Variants in FANCA observed in about 807,000 individuals in gnomAD.
FANCA encodes FA complementation group A, also known as Fanconi anemia group A protein.
In FANCA, 236 loss-of-function variants were observed where a neutral mutation model predicts 194.3. That is an observed-to-expected ratio of 1.21 (90% confidence interval 1.09 to 1.35). FANCA has a LOEUF of 1.35. Ranked by LOEUF, FANCA falls within the 40% of genes most tolerant of loss-of-function variation. The pLI, the probability that FANCA is intolerant of heterozygous loss-of-function variation, is 0.00. For missense variants in FANCA, 2,628 were observed against 1,813.9 expected, an observed-to-expected ratio of 1.45 and a Z score of -8.15; for synonymous variants, 1,014 against 715.8, an observed-to-expected ratio of 1.42 and a Z score of -6.65.
At chr16:89,803,671 T>A (rs2040536037) in intron 7 of FANCA, among the ~76,000 whole-genome samples, 1 of 151,124 alleles carries the variant, frequency 6.6e-6, no homozygotes, top group Admixed American at 6.6e-5. Context: ...TCGCCTGGGC[T>A]TGAGTGCAAT....
At chr16:89,775,236 G>A (rs1278065318) in intron 21 of FANCA, among the ~76,000 whole-genome samples, 1 of 152,146 alleles carries the variant, frequency 6.6e-6, no homozygotes, top group African/African-American at 2.4e-5. Flanking sequence ...TCCCACTGCT[G>A]CCTGAGTGCA....
intron 40 of FANCA, 87 bp downstream of exon 40, chr16:89,739,391 C>T: frequency 1.3e-6 from 2 of 1,577,548 alleles, no homozygotes; most frequent in Non-Finnish European, 1.7e-6. Flanking sequence ...CACAGACAAC[C>T]CTTCCCATCT....
chr16:89,785,413 C>CT (rs772673544), intron 14 of FANCA, among the ~76,000 whole-genome samples: 4 of 152,152 alleles, frequency 2.6e-5, no homozygotes, highest in African/African-American at 4.8e-5. Flanking sequence ...CTTCTGAACA[C>CT]ACTTTAACTT....
intron 7 of FANCA, 130 bp downstream of exon 7, chr16:89,805,150 C>G: frequency 1.4e-6 from 1 of 721,250 alleles, no homozygotes; most frequent in Non-Finnish European, 2.5e-6. Context: ...GACTGGGAGT[C>G]TGTCATGCCA....
chr16:89,758,827 G>T, intron 29 of FANCA, 122 bp from the exon 30 acceptor site: 1 of 1,482,370 alleles, frequency 6.7e-7, no homozygotes, highest in East Asian at 2.3e-5. Flanking sequence ...GTTGAGACTG[G>T]CGGCTCGGGA....
At chr16:89,785,853 GTTTTGT>G (rs1270232768) in intron 14 of FANCA, among the ~76,000 whole-genome samples, 1 of 113,166 alleles carries the variant, frequency 8.8e-6, no homozygotes, top group African/African-American at 3.6e-5. Context: ...GCAAAATTGT[GTTTTGT>G]TTTTTTTTTT....
intron 8 of FANCA, 68 bp from the exon 9 acceptor site, chr16:89,799,706 CAA>C: frequency 7.7e-7 from 1 of 1,296,046 alleles, no homozygotes; most frequent in South Asian, 1.2e-5. Context: ...CTGCATCACA[CAA>C]GAGAATTATT....
chr16:89,802,471 G>A (rs949164321), intron 8 of FANCA, among the ~76,000 whole-genome samples: 1 of 151,956 alleles, frequency 6.6e-6, no homozygotes. Flanking sequence ...ACACGATCTG[G>A]GCTCACTGCA....
intron 30 of FANCA, among the ~76,000 whole-genome samples, chr16:89,753,580 G>C (rs1403640093): frequency 6.6e-6 from 1 of 152,178 alleles, no homozygotes; most frequent in Non-Finnish European, 1.5e-5. Flanking sequence ...ACATCCTTTT[G>C]TGATAAAAAC....
intron 20 of FANCA, among the ~76,000 whole-genome samples, chr16:89,777,468 G>C (rs2039548175): frequency 6.6e-6 from 1 of 152,028 alleles, no homozygotes; most frequent in African/African-American, 2.4e-5. Context: ...GCTCACGCTT[G>C]TAATCCCAGC....
At chr16:89,739,069 T>C in intron 41 of FANCA, 64 bp downstream of exon 41, 1 of 1,613,974 alleles carries the variant, frequency 6.2e-7, no homozygotes, top group Non-Finnish European at 8.5e-7. Flanking sequence ...GGAACATTCT[T>C]TGGCAGAAGG....
In FANCA at chr16:89,767,200, A is replaced by G. The variant is rs753223258; in HGVS notation, c.2542T>C (p.Phe848Leu). ...TAAISYSLCK[F>L]SSQSRDTLCS... ...AAAGTATCTCGTGACTGGGAAGAAA[A>G]CTTGCAGAGAGAGTAAGAAATTGCT... Residue 848 changes from phenylalanine to leucine, a missense_variant, in exon 27 of 43, where the codon TTT becomes CTT. By Grantham distance (22) the Phe-to-Leu change is conservative. Transcript: ENST00000389301. 6.2e-7 allele frequency: 1 copy of G among 1,613,936 alleles called. No homozygotes were observed. Among genetic ancestry groups the G allele is most frequent in the South Asian group, 1.1e-5 (1 of 91,086 alleles).
chr16:89,814,565 A>G lies in FANCA; in HGVS notation c.238T>C (p.Cys80Arg). 1.2e-6 allele frequency: 2 copies of G among 1,614,010 alleles called. No homozygotes were observed. Among genetic ancestry groups the G allele is most frequent in the Non-Finnish European group, 1.7e-6 (2 of 1,179,872 alleles). Residue 80 changes from cysteine to arginine, a missense_variant, in exon 3 of 43, where the codon TGT becomes CGT. Physicochemically the swap from Cys to Arg is radical, Grantham distance 180. Coordinates refer to ENST00000389301, the MANE Select transcript of FANCA (RefSeq NM_000135.4). ...KKLSLSKVID[C>R]DSSEAYANHS... ...TTAGCATAGGCCTCAGAACTGTCAC[A>G]GTCAATCACTTTGCTGAGAGACAAT...
intron 28 of FANCA, 111 bp from the exon 29 acceptor site, chr16:89,762,133 G>A (rs563058465): frequency 3.6e-6 from 3 of 836,264 alleles, no homozygotes; most frequent in African/African-American, 1.7e-5. Context: ...CCATGTCCCT[G>A]TGTTATAATG....
At chr16:89,770,122 C>T (rs1196915123) in intron 25 of FANCA, 44 bp downstream of exon 25, 2 of 1,571,562 alleles carry the variant, frequency 1.3e-6, no homozygotes, top group Non-Finnish European at 8.6e-7. Context: ...GCCTGGCCCT[C>T]AGAGTGGGCC....
chr16:89,759,952 G>A (rs922989207), intron 29 of FANCA, among the ~76,000 whole-genome samples: 3 of 151,582 alleles, frequency 2.0e-5, no homozygotes, highest in African/African-American at 7.3e-5. Flanking sequence ...CTCCACCCAC[G>A]CTGTGCGGGA....
chr16:89,740,139 T>C, intron 38 of FANCA, 40 bp from the exon 39 acceptor site: 18 of 1,530,098 alleles, frequency 1.2e-5, no homozygotes, highest in Non-Finnish European at 1.6e-5. Flanking sequence ...ATGGCCGACC[T>C]GGTGCTCCCA....
intron 29 of FANCA, among the ~76,000 whole-genome samples, chr16:89,760,196 C>A (rs1240662170): frequency 2.0e-5 from 3 of 152,268 alleles, no homozygotes; most frequent in Non-Finnish European, 2.9e-5. Flanking sequence ...TGACCTCCTC[C>A]TTAGACTCCA....
intron 14 of FANCA, chr16:89,790,925 G>A (rs924659475): frequency 5.0e-6 from 1 of 199,796 alleles, no homozygotes; most frequent in African/African-American, 2.4e-5. Flanking sequence ...GATCTCCCAG[G>A]CTCAAGTAAT....
Sources: gnomAD v4.1 joint callset for allele counts (sites outside exome capture counted in the v4.1 genomes callset) on GRCh38, gnomAD v4.1.1 for gene constraint, MANE v1.5 for transcripts, NCBI Gene and HGNC (gene_info 2026-07-23, HGNC 2026-07-21) for gene names.